RAB10: variants seen among roughly 807,000 people sequenced by gnomAD.
RAB10 encodes RAB10, member RAS oncogene family.
RAB10 carries 5 observed loss-of-function variants against 25.7 expected under a neutral mutation model. The ratio of observed to expected loss-of-function variants is 0.19; its 90% confidence interval spans 0.10 to 0.41. The LOEUF is 0.41. RAB10 is among the 10% of genes least tolerant of loss of function. The pLI is 1.00. For synonymous variants in RAB10, 89 were observed against 86.4 expected (o/e 1.03, Z -0.16); for missense variants, 103 against 245.8 (o/e 0.42, Z 3.89).
At position 26,034,404 on chromosome 2, in the gene RAB10, G is replaced by C. The variant is rs1485814433; in HGVS notation, c.-205G>C. ...ACGGGCTGGGAGAGGCTGCGGAGCCGCGGTCGCCGCCCTCGGAGGCACTGG... is the reference window on the plus strand; with the variant it reads ...ACGGGCTGGGAGAGGCTGCGGAGCCCCGGTCGCCGCCCTCGGAGGCACTGG... On this transcript the variant is annotated 5_prime_UTR_variant, in exon 1 of 6. Transcript: ENST00000264710. 2 of 649,288 alleles carry C rather than the reference G, an allele frequency of 3.1e-6. No homozygotes were observed. The highest frequency in any genetic ancestry group is 5.2e-6 in the Non-Finnish European group (2 of 384,642). The allele number at this position is 649,288 out of a possible 1,614,324, so 40.2% of individuals were successfully genotyped here. A position where few individuals can be genotyped will look rare whatever the true frequency, so the allele number is the denominator to read the frequency against.
chr2:26,050,603 A>G (rs1448874720), intron 1 of RAB10, among the ~76,000 whole-genome samples: 1 of 151,918 alleles, frequency 6.6e-6, no homozygotes, highest in Non-Finnish European at 1.5e-5. Context: ...TTCAGCTGTC[A>G]TATTTTTAAT....
chr2:26,130,123 A>C (rs920339639), intron 5 of RAB10, among the ~76,000 whole-genome samples: 6 of 152,298 alleles, frequency 3.9e-5, no homozygotes, highest in African/African-American at 1.4e-4. Context: ...TGAAATTTCA[A>C]CAGCTTTCTT....
chr2:26,123,874 C>T (rs926719842), intron 3 of RAB10, among the ~76,000 whole-genome samples: 3 of 151,950 alleles, frequency 2.0e-5, no homozygotes, highest in Non-Finnish European at 4.4e-5. Flanking sequence ...AATGTTTTTC[C>T]GTAAAGTTAA....
chr2:26,082,626 C>T (rs1368072570), intron 1 of RAB10, among the ~76,000 whole-genome samples: 2 of 152,024 alleles, frequency 1.3e-5, no homozygotes, highest in Non-Finnish European at 2.9e-5. Flanking sequence ...AATTTAAAAC[C>T]TTTCTGAAAG....
chr2:26,049,302 AG>A (rs1666082878), intron 1 of RAB10, among the ~76,000 whole-genome samples: 1 of 150,946 alleles, frequency 6.6e-6, no homozygotes, highest in Non-Finnish European at 1.5e-5. Context: ...ATGATGTAGG[AG>A]TTCTCAAGAT....
chr2:26,102,698 A>C (rs1667368680), intron 2 of RAB10, among the ~76,000 whole-genome samples: 1 of 152,166 alleles, frequency 6.6e-6, no homozygotes, highest in South Asian at 2.1e-4. Context: ...TCGGCCTCCC[A>C]AAGTGCTAGG....
chr2:26,109,303 C>T (rs1165802833), intron 2 of RAB10, among the ~76,000 whole-genome samples: 2 of 152,116 alleles, frequency 1.3e-5, no homozygotes, highest in African/African-American at 4.8e-5. Flanking sequence ...AATGAGAGGG[C>T]ATAGTTACAG....
In RAB10 at chr2:26,067,953, G is replaced by A. The variant is rs1457205892; in HGVS notation, c.128-30709G>A. Reference sequence around the variant, plus strand: ...CACCATACTTGCAGCAGAATTTGCTGGGGGGTTGATATATGTTCATCAAGT... The same window carrying A: ...CACCATACTTGCAGCAGAATTTGCTAGGGGGTTGATATATGTTCATCAAGT... On this transcript the variant is annotated intron_variant, in intron 1 of 5. Coordinates refer to ENST00000264710, the MANE Select transcript of RAB10 (RefSeq NM_016131.5). Among the ~76,000 whole-genome samples the A allele has an allele frequency of 3.3e-5, 5 of 152,022 alleles. No homozygotes were observed. In the East Asian group the frequency reaches 9.6e-4, roughly 29 times the overall value.
At chr2:26,087,547 C>T (rs190182975) in intron 1 of RAB10, among the ~76,000 whole-genome samples, 176 of 152,178 alleles carry the variant, frequency 1.2e-3, no homozygotes, top group Middle Eastern at 3.4e-3. Context: ...GGATTACAGG[C>T]GCCTGCCACC....
At chr2:26,098,577 G>T in intron 1 of RAB10, 85 bp from the exon 2 acceptor site, 2 of 950,730 alleles carry the variant, frequency 2.1e-6, no homozygotes, top group Non-Finnish European at 3.2e-6. Context: ...AAGTTTAAAA[G>T]GTGTGAGCGT....
intron 3 of RAB10, among the ~76,000 whole-genome samples, chr2:26,113,268 A>T (rs902996453): frequency 2.0e-5 from 3 of 151,976 alleles, no homozygotes; most frequent in Non-Finnish European, 4.4e-5. Context: ...AAAATCCAAC[A>T]TTCTTTTATG....
At chr2:26,128,363 C>T (rs538535966) in intron 5 of RAB10, among the ~76,000 whole-genome samples, 21 of 152,292 alleles carry the variant, frequency 1.4e-4, no homozygotes, top group Non-Finnish European at 2.4e-4. Flanking sequence ...TCTTAACAGG[C>T]CACGGACCGG....
chr2:26,106,914 T>G (rs1249199032), intron 2 of RAB10, among the ~76,000 whole-genome samples: 7 of 149,350 alleles, frequency 4.7e-5, no homozygotes, highest in African/African-American at 1.7e-4. Flanking sequence ...CATAAGGCTT[T>G]TAGAAGAAAA....
intron 1 of RAB10, among the ~76,000 whole-genome samples, chr2:26,057,685 C>G (rs1005874505): frequency 2.0e-5 from 3 of 151,942 alleles, no homozygotes; most frequent in Admixed American, 2.0e-4. Context: ...TGCAGTGACG[C>G]GATCGCTGCT....
Position 26,136,941 on chromosome 2 carries a change from T to C in RAB10, c.*1920T>C, listed in dbSNP as rs542354201. The C allele has an allele frequency of 1.3e-5, 2 of 152,794 alleles. No individual in the cohort carries two copies. Among genetic ancestry groups the C allele is most frequent in the African/African-American group, 4.8e-5 (2 of 41,594 alleles). The allele number at this position is 152,794 out of a possible 1,614,324, so 9.5% of individuals were successfully genotyped here. On this transcript the variant is annotated 3_prime_UTR_variant, in exon 6 of 6. Coordinates refer to ENST00000264710, the MANE Select transcript of RAB10 (RefSeq NM_016131.5). ...AATATAATGAAATGATGTTAAGCTT[T>C]TTGAAAAGTTTAGGTTAAACCTACT...
At chr2:26,124,295 T>C (rs917524543) in intron 3 of RAB10, among the ~76,000 whole-genome samples, 1 of 151,304 alleles carries the variant, frequency 6.6e-6, no homozygotes. Context: ...TTTATAACTT[T>C]CCTAGTTTTT....
At chr2:26,073,987 G>A (rs2149271308) in intron 1 of RAB10, among the ~76,000 whole-genome samples, 1 of 152,280 alleles carries the variant, frequency 6.6e-6, no homozygotes, top group South Asian at 2.1e-4. Flanking sequence ...ATGTAGACCA[G>A]GGGCAGTTTA....
intron 3 of RAB10, among the ~76,000 whole-genome samples, chr2:26,125,583 G>A (rs1018316149): frequency 2.0e-5 from 3 of 151,540 alleles, no homozygotes; most frequent in Non-Finnish European, 4.4e-5. Context: ...CTAAGTAGCT[G>A]GGACTACAGG....
At chr2:26,044,753 C>G (rs746414617) in intron 1 of RAB10, among the ~76,000 whole-genome samples, 1 of 152,040 alleles carries the variant, frequency 6.6e-6, no homozygotes, top group Non-Finnish European at 1.5e-5. Flanking sequence ...GCCCTGTTGA[C>G]CAGGCTGGTC....
Sources: allele counts gnomAD v4.1 joint callset (sites outside exome capture counted in the v4.1 genomes callset), GRCh38; gene constraint gnomAD v4.1.1; transcripts MANE v1.5; gene names NCBI Gene and HGNC (gene_info 2026-07-23, HGNC 2026-07-21).